RBFOX1: variants seen among roughly 807,000 people sequenced by gnomAD.
RBFOX1 encodes RNA binding protein fox-1 homolog 1.
RBFOX1 carries 8 observed loss-of-function variants against 57.7 expected under a neutral mutation model. The ratio of observed to expected loss-of-function variants is 0.14; its 90% confidence interval spans 0.08 to 0.25. The LOEUF (loss-of-function observed/expected upper bound fraction) is 0.25, where lower values mean the gene tolerates loss of function less well. Among genes scored for constraint, RBFOX1 ranks in the 10% least tolerant of loss-of-function variants. RBFOX1 has a pLI of 1.00. For synonymous variants in RBFOX1, 326 were observed against 222.4 expected, an observed-to-expected ratio of 1.47 and a Z score of -4.15; for missense variants, 611 against 548.5, an observed-to-expected ratio of 1.11 and a Z score of -1.14.
intron 3 of RBFOX1, among the ~76,000 whole-genome samples, chr16:7,010,292 A>C (rs1401445327): frequency 6.6e-6 from 1 of 152,210 alleles, no homozygotes; most frequent in African/African-American, 2.4e-5. Flanking sequence ...CTTTTCATGA[A>C]CATTTAGAGA....
chr16:6,237,082 C>T lies in RBFOX1; in HGVS notation c.-126-79913C>T, dbSNP rs986890927. 4.6e-5 allele frequency among the ~76,000 whole-genome samples: 7 copies of T among 152,226 alleles called. 1 individual carries two copies. The highest frequency in any genetic ancestry group is 1.7e-4 in the African/African-American group (7 of 41,562). On this transcript the variant is annotated intron_variant, in intron 1 of 15. Coordinates refer to ENST00000550418, the MANE Select transcript of RBFOX1 (RefSeq NM_018723.4). ...AAAATGGAGTGTCTAAGGAAGTCTTCGGGTTTGCTTTTGTTCTGCCTGAGC... is the reference window on the plus strand; with the variant it reads ...AAAATGGAGTGTCTAAGGAAGTCTTTGGGTTTGCTTTTGTTCTGCCTGAGC...
At chr16:5,899,065 C>T (rs2058240031) in intron 4 of RBFOX1, among the ~76,000 whole-genome samples, 1 of 149,542 alleles carries the variant, frequency 6.7e-6, no homozygotes, top group Admixed American at 6.7e-5. Flanking sequence ...TGCCTCCCCT[C>T]TCTTATTCCA....
chr16:7,078,324 T>A (rs960470894), intron 4 of RBFOX1, among the ~76,000 whole-genome samples: 6 of 152,186 alleles, frequency 3.9e-5, no homozygotes, highest in Admixed American at 3.9e-4. Context: ...AAAATGGCTT[T>A]CTCTTGTTTA....
intron 1 of RBFOX1, among the ~76,000 whole-genome samples, chr16:6,022,916 A>G (rs1419774890): frequency 6.6e-6 from 1 of 152,198 alleles, no homozygotes; most frequent in Non-Finnish European, 1.5e-5. Flanking sequence ...TATATCATAC[A>G]TGACTGTTTT....
intron 3 of RBFOX1, among the ~76,000 whole-genome samples, chr16:6,925,677 C>T (rs58615643): frequency 6.6e-6 from 1 of 151,816 alleles, no homozygotes; most frequent in Non-Finnish European, 1.5e-5. Context: ...AATGCGTTAA[C>T]AGCTTGATAT....
At chr16:7,207,223 T>C (rs576351985) in intron 4 of RBFOX1, among the ~76,000 whole-genome samples, 1 of 152,202 alleles carries the variant, frequency 6.6e-6, no homozygotes, top group Non-Finnish European at 1.5e-5. Flanking sequence ...CATTTTTATG[T>C]ATATGGCATC....
intron 4 of RBFOX1, among the ~76,000 whole-genome samples, chr16:7,468,856 G>C (rs1235289089): frequency 6.6e-6 from 1 of 152,088 alleles, no homozygotes; most frequent in Non-Finnish European, 1.5e-5. Context: ...GGGTGGGGAG[G>C]TTGCGAGGAT....
chr16:5,521,907 A>C (rs1460420630), intron 2 of RBFOX1, among the ~76,000 whole-genome samples: 1 of 152,150 alleles, frequency 6.6e-6, no homozygotes, highest in Non-Finnish European at 1.5e-5. Context: ...GTTGAGATGG[A>C]TGGATGGAGA....
At chr16:7,523,982 C>A (rs1342555788) in intron 5 of RBFOX1, among the ~76,000 whole-genome samples, 1 of 152,180 alleles carries the variant, frequency 6.6e-6, no homozygotes, top group East Asian at 1.9e-4. Flanking sequence ...TGGTTCTCCC[C>A]ACCCTATATC....
At chr16:7,108,021 G>A (rs189951269) in intron 4 of RBFOX1, among the ~76,000 whole-genome samples, 163 of 151,404 alleles carry the variant, frequency 1.1e-3, no homozygotes, top group African/African-American at 3.7e-3. Flanking sequence ...ACATAAGATT[G>A]GGGGGGAGAG....
intron 3 of RBFOX1, chr16:6,705,008 G>T (rs1056257201): frequency 6.6e-6 from 1 of 151,954 alleles, no homozygotes; most frequent in Non-Finnish European, 1.5e-5. Flanking sequence ...ACTTTAATCC[G>T]GAACCTTGGA....
chr16:6,618,575 C>T (rs572514044), intron 2 of RBFOX1, among the ~76,000 whole-genome samples: 3 of 152,258 alleles, frequency 2.0e-5, no homozygotes, highest in East Asian at 3.9e-4. Flanking sequence ...ACATGATACT[C>T]GTTTCGAGGA....
At chr16:6,863,755 C>G (rs571458393) in intron 3 of RBFOX1, among the ~76,000 whole-genome samples, 1 of 43,128 alleles carries the variant, frequency 2.3e-5, no homozygotes, top group African/African-American at 1.2e-4. Flanking sequence ...TTTTTTTTAC[C>G]AAAACCAAAT....
intron 1 of RBFOX1, among the ~76,000 whole-genome samples, chr16:6,110,747 C>A (rs1014869180): frequency 1.3e-5 from 2 of 152,110 alleles, no homozygotes; most frequent in Non-Finnish European, 1.5e-5. Context: ...TTGCCCCCCG[C>A]CAGAGGACAC....
rs550105453 is a variant in RBFOX1, at chr16:7,231,719, A to G, written c.27+179621A>G. ...CCATACAATGAAATATCATTGAGCCATAAAAAGGAAGGAGCTACTGTTACA... is the reference window on the plus strand; with the variant it reads ...CCATACAATGAAATATCATTGAGCCGTAAAAAGGAAGGAGCTACTGTTACA... On this transcript the variant is annotated intron_variant, in intron 4 of 15. Coordinates refer to ENST00000550418, the MANE Select transcript of RBFOX1 (RefSeq NM_018723.4). Among the ~76,000 whole-genome samples the G allele has an allele frequency of 2.6e-5, 4 of 152,356 alleles. No individual in the cohort carries two copies. The East Asian group carries it at 7.7e-4, about 29-fold the overall frequency.
chr16:5,320,510 G>T (rs1301405633), intron 1 of RBFOX1, among the ~76,000 whole-genome samples: 1 of 152,184 alleles, frequency 6.6e-6, no homozygotes, highest in Non-Finnish European at 1.5e-5. Flanking sequence ...CTTTTAGAAG[G>T]CTCCGGAGTC....
chr16:7,115,079 G>C (rs1033004860), intron 4 of RBFOX1, among the ~76,000 whole-genome samples: 1 of 152,168 alleles, frequency 6.6e-6, no homozygotes, highest in African/African-American at 2.4e-5. Context: ...ATATTCCAAA[G>C]CCTTTGCTTA....
intron 4 of RBFOX1, among the ~76,000 whole-genome samples, chr16:7,272,385 A>AT (rs1392156914): frequency 6.6e-6 from 1 of 152,198 alleles, no homozygotes; most frequent in East Asian, 1.9e-4. Context: ...GTGTTCCGCC[A>AT]TGTTGGCCAG....
intron 4 of RBFOX1, among the ~76,000 whole-genome samples, chr16:5,916,391 C>T (rs1034233992): frequency 1.3e-5 from 2 of 152,106 alleles, no homozygotes; most frequent in Non-Finnish European, 2.9e-5. Flanking sequence ...TCTCTTATTT[C>T]TTTCTTTACC....
Sources: allele counts gnomAD v4.1 joint callset (sites outside exome capture counted in the v4.1 genomes callset), GRCh38; gene constraint gnomAD v4.1.1; transcripts MANE v1.5; gene names NCBI Gene and HGNC (gene_info 2026-07-23, HGNC 2026-07-21).